The following NAPA variants were observed in gnomAD, a reference collection of about 807,000 sequenced individuals.
NAPA encodes NSF attachment protein alpha.
NAPA carries 18 observed loss-of-function variants against 48.0 expected under a neutral mutation model. That is an observed-to-expected ratio of 0.38 (90% CI 0.26 to 0.56). The LOEUF (loss-of-function observed/expected upper bound fraction) is 0.56, where lower values mean the gene tolerates loss of function less well. Among genes scored for constraint, NAPA ranks in the 20% least tolerant of loss-of-function variants. The pLI is 0.77. For synonymous variants in NAPA, 152 were observed against 149.9 expected, an observed-to-expected ratio of 1.01 and a Z score of -0.10; for missense variants, 315 against 385.0, an observed-to-expected ratio of 0.82 and a Z score of 1.52.
intron 1 of NAPA, among the ~76,000 whole-genome samples, chr19:47,510,280 G>A (rs1195746485): frequency 1.3e-5 from 2 of 152,198 alleles, no homozygotes; most frequent in Non-Finnish European, 2.9e-5. Context: ...GGCCCTCCCA[G>A]GGTCCCGCCG....
chr19:47,503,663 T>C (rs1968633510), intron 1 of NAPA, among the ~76,000 whole-genome samples, 161 bp from the exon 2 acceptor site: 1 of 152,154 alleles, frequency 6.6e-6, no homozygotes, highest in Non-Finnish European at 1.5e-5. Flanking sequence ...CCCCCGCCCC[T>C]GCATACAATG....
In NAPA at chr19:47,493,473, G is replaced by A. The variant is rs1161538684; in HGVS notation, c.363C>T (p.Ala121=). 1.2e-6 allele frequency: 2 copies of A among 1,614,006 alleles called. No individual in the cohort carries two copies. Among genetic ancestry groups the A allele is most frequent in the Non-Finnish European group, 1.7e-6 (2 of 1,179,986 alleles). ...YTDMGRFTIA[A]KHHISIAEIY... is the part of the protein sequence containing the mutation. Reference sequence around the variant, plus strand: ...TCTCAGCAATGGAGATGTGGTGCTTGGCCGCAATCGTGAATCGGCCCTGGA... The same window carrying A: ...TCTCAGCAATGGAGATGTGGTGCTTAGCCGCAATCGTGAATCGGCCCTGGA... The change falls in exon 5 of 11, where the codon GCC becomes GCT. Residue 121 remains alanine, a synonymous_variant. Coordinates refer to ENST00000263354, the MANE Select transcript of NAPA (RefSeq NM_003827.4). This position sits in a 1 kb window ranked among gnomAD's most constrained non-coding sequence, Gnocchi z 6.4.
chr19:47,500,853 GA>G, intron 2 of NAPA, 104 bp from the exon 3 acceptor site: 1 of 838,422 alleles, frequency 1.2e-6, no homozygotes, highest in Non-Finnish European at 1.8e-6. Context: ...CGAGAATGCG[GA>G]AAGAGTCCCC....
chr19:47,503,314 CA>C (rs989895350), intron 2 of NAPA, 108 bp downstream of exon 2: 1 of 962,594 alleles, frequency 1.0e-6, no homozygotes, highest in African/African-American at 1.6e-5. Flanking sequence ...CCGGAGAGGG[CA>C]TACAAAGAGA....
rs757703385 is a variant in NAPA at position 47,514,898 on chromosome 19, C to T, written c.43G>A (p.Ala15Thr). 2 of 1,614,038 alleles carry T rather than the reference C, an allele frequency of 1.2e-6. No homozygotes were observed. The highest frequency in any genetic ancestry group is 2.2e-5 in the South Asian group (2 of 91,082). The change falls in exon 1 of 11, where the codon GCC (alanine) becomes ACC (threonine). Residue 15 changes from alanine (A) to threonine (T), a missense_variant. Coordinates refer to ENST00000263354, the MANE Select transcript of NAPA (RefSeq NM_003827.4). ...GKEAEAMALL[A>T]EAERKVKNSQ... is the part of the protein sequence containing the mutation. The stretch of plus-strand genomic sequence containing the variant: ...TTCTTCACTTTGCGCTCCGCCTCGG[C>T]CAACAGCGCCATCGCCTCCGCTTCC...
chr19:47,487,632 G>A (rs55800589), downstream of NAPA: 2 of 152,394 alleles, frequency 1.3e-5, no homozygotes, highest in African/African-American at 2.4e-5. Context: ...AGGAGGAAGA[G>A]AGACTCATGC....
rs1461561833 is a variant in NAPA, at chr19:47,493,443, A to G, written c.393T>C (p.Tyr131=). The stretch of plus-strand genomic sequence containing the variant: ...TCTCGATGTCCACCAACTCTGTCTC[A>G]TAGATCTCAGCAATGGAGATGTGGT... The part of the protein sequence containing the change: ...AKHHISIAEI[Y]ETELVDIEKA... Residue 131 remains tyrosine, a synonymous_variant, in exon 5 of 11, where the codon TAT becomes TAC. Transcript: ENST00000263354. The surrounding 1 kb of genome is among the most constrained non-coding windows in gnomAD (Gnocchi z 6.4). The G allele has an allele frequency of 2.5e-6, 4 of 1,613,906 alleles. No individual in the cohort carries two copies. Among genetic ancestry groups the G allele is most frequent in the Non-Finnish European group, 3.4e-6 (4 of 1,179,978 alleles).
At chr19:47,513,467 C>T (rs1486483154) in intron 1 of NAPA, among the ~76,000 whole-genome samples, 1 of 152,216 alleles carries the variant, frequency 6.6e-6, no homozygotes, top group African/African-American at 2.4e-5. Flanking sequence ...TCTCCTTTAG[C>T]AGGGAGACTA....
intron 2 of NAPA, among the ~76,000 whole-genome samples, chr19:47,501,150 G>A (rs2122759109): frequency 6.6e-6 from 1 of 152,230 alleles, no homozygotes; most frequent in Non-Finnish European, 1.5e-5. Context: ...AGATAGAGCT[G>A]AGTTGGAAAG....
At chr19:47,507,493 G>A (rs1456351117) in intron 1 of NAPA, among the ~76,000 whole-genome samples, 1 of 152,140 alleles carries the variant, frequency 6.6e-6, no homozygotes, top group Non-Finnish European at 1.5e-5. Flanking sequence ...ACGAGGCAGG[G>A]TGGACAAAGT....
At chr19:47,492,395 A>G (rs905325147) in intron 7 of NAPA, 34 of 467,234 alleles carry the variant, frequency 7.3e-5, no homozygotes, top group Non-Finnish European at 1.2e-4. Context: ...GACAGTGGGA[A>G]GGAGGCAGCC....
At chr19:47,495,213 C>A in intron 4 of NAPA, 1 of 354,600 alleles carries the variant, frequency 2.8e-6, no homozygotes. Context: ...AGGCTGGTCT[C>A]GAACTCCTGT....
chr19:47,510,789 C>T (rs1338407155), intron 1 of NAPA, among the ~76,000 whole-genome samples: 1 of 152,166 alleles, frequency 6.6e-6, no homozygotes, highest in South Asian at 2.1e-4. Flanking sequence ...CTCAGCCATC[C>T]CCTTCTGCTG....
rs761626390 is a variant in NAPA, at chr19:47,514,850, G to A, written c.91C>T (p.Leu31Phe). 5.0e-6 allele frequency: 8 copies of A among 1,613,824 alleles called. No individual in the cohort carries two copies. The Admixed American group carries it at 8.3e-5, about 17-fold the overall frequency. The change falls in exon 1 of 11, where the codon CTC becomes TTC. Residue 31 changes from leucine (L) to phenylalanine (F), a missense_variant. Physicochemically the swap from Leu to Phe is conservative, Grantham distance 22 (BLOSUM62 0). This residue lies in a region of NAPA where 173 missense variants were observed against 213.5 expected (regional missense o/e 0.81). Transcript: ENST00000263354. ...VKNSQSFFSG[L>F]FGGSSKIEEA... Reference sequence around the variant, plus strand: ...CCTCAGCCCGGTTCTCACCCAAAGAGGCCAGAGAAGAAGGACTGCGAGTTC... The same window carrying A: ...CCTCAGCCCGGTTCTCACCCAAAGAAGCCAGAGAAGAAGGACTGCGAGTTC...
chr19:47,513,894 G>A (rs1379541259), intron 1 of NAPA, among the ~76,000 whole-genome samples: 1 of 128,682 alleles, frequency 7.8e-6, no homozygotes, highest in African/African-American at 3.0e-5. Flanking sequence ...CTGTCCCCCA[G>A]GCTGTAGTGC....
intron 1 of NAPA, among the ~76,000 whole-genome samples, chr19:47,513,041 A>G (rs908589525): frequency 6.6e-6 from 1 of 152,076 alleles, no homozygotes; most frequent in Non-Finnish European, 1.5e-5. Flanking sequence ...CAAGCCCACT[A>G]GTCCTTTCCC....
intron 3 of NAPA, among the ~76,000 whole-genome samples, chr19:47,499,155 CTCAGA>C (rs1968509207): frequency 1.3e-5 from 2 of 152,352 alleles, no homozygotes; most frequent in Middle Eastern, 3.4e-3. Context: ...GCTAGAAAAG[CTCAGA>C]TCAAACGCAG....
chr19:47,508,634 C>T (rs1968741302), intron 1 of NAPA, among the ~76,000 whole-genome samples: 1 of 151,098 alleles, frequency 6.6e-6, no homozygotes, highest in South Asian at 2.1e-4. Context: ...AGGTACTTTG[C>T]TAAGTGTTCG....
Position 47,514,971 on chromosome 19 carries a change from T to C in NAPA, c.-31A>G, listed in dbSNP as rs760873307. 27 of 1,601,756 alleles carry C rather than the reference T, an allele frequency of 1.7e-5. No individual in the cohort carries two copies. Among genetic ancestry groups the C allele is most frequent in the South Asian group, 2.2e-5 (2 of 90,580 alleles). ...CCACAAAGGGACTCAGCAAAGCGCC[T>C]GACCCTGACCCTGGGAAGACTCAGC... On this transcript the variant is annotated 5_prime_UTR_variant, in exon 1 of 11. Coordinates refer to ENST00000263354, the MANE Select transcript of NAPA (RefSeq NM_003827.4).
Sources: gnomAD v4.1 joint callset for allele counts (sites outside exome capture counted in the v4.1 genomes callset) on GRCh38, gnomAD v4.1.1 for gene constraint, gnomAD v4.1.1 regional missense constraint, Gnocchi (gnomAD v3.1) non-coding constraint, MANE v1.5 for transcripts, NCBI Gene and HGNC (gene_info 2026-07-23, HGNC 2026-07-21) for gene names.